ATRNL1: variants seen among roughly 807,000 people sequenced by gnomAD.
The protein encoded by ATRNL1 is attractin-like protein 1.
ATRNL1 carries 95 observed loss-of-function variants against 182.7 expected under a neutral mutation model. The ratio of observed to expected loss-of-function variants is 0.52; its 90% confidence interval spans 0.44 to 0.62. The LOEUF is 0.62. ATRNL1 is among the 20% of genes least tolerant of loss of function. The pLI is 0.00. For synonymous variants in ATRNL1, 576 were observed against 568.3 expected (o/e 1.01, Z -0.19); for missense variants, 1,471 against 1,679.5 (o/e 0.88, Z 2.17).
At chr10:115,361,195 T>C (rs1477015297) in intron 19 of ATRNL1, among the ~76,000 whole-genome samples, 2 of 152,048 alleles carry the variant, frequency 1.3e-5, no homozygotes, top group Admixed American at 6.6e-5. Context: ...TCAATGATTA[T>C]TATGATTTTT....
intron 27 of ATRNL1, among the ~76,000 whole-genome samples, chr10:115,758,158 T>C (rs782292354): frequency 6.6e-6 from 1 of 152,072 alleles, no homozygotes; most frequent in Non-Finnish European, 1.5e-5. Context: ...GAAGCCTACT[T>C]CTGATAATTC....
intron 19 of ATRNL1, among the ~76,000 whole-genome samples, chr10:115,346,050 C>T (rs781964188): frequency 2.1e-4 from 32 of 152,066 alleles, no homozygotes; most frequent in Non-Finnish European, 4.3e-4. Flanking sequence ...AATACTTATT[C>T]AAGTACTTTA....
At chr10:115,486,261 A>C (rs1452209961) in intron 24 of ATRNL1, among the ~76,000 whole-genome samples, 1 of 152,182 alleles carries the variant, frequency 6.6e-6, no homozygotes, top group Non-Finnish European at 1.5e-5. Flanking sequence ...GTATATACCC[A>C]GTAATGAGAT....
At chr10:115,379,399 A>G (rs1554950436) in intron 19 of ATRNL1, among the ~76,000 whole-genome samples, 1 of 152,196 alleles carries the variant, frequency 6.6e-6, no homozygotes, top group Non-Finnish European at 1.5e-5. Context: ...TTCTCTCACA[A>G]TGAGCTCACA....
intron 28 of ATRNL1, among the ~76,000 whole-genome samples, chr10:115,849,108 C>T (rs538952346): frequency 1.3e-5 from 2 of 152,146 alleles, no homozygotes; most frequent in Non-Finnish European, 2.9e-5. Context: ...AGAGAGTTTC[C>T]ATCACCTTCA....
rs199852040 is a variant in ATRNL1 at position 115,202,670 on chromosome 10, C to A, written c.1349-13027C>A. On this transcript the variant is annotated intron_variant, in intron 8 of 28. Transcript: ENST00000355044. ...TGAGGATTTTTGCATCAATGTTCAT[C>A]AAGGATATTGGTCTAAAATTCTCTT... 4.1e-3 allele frequency among the ~76,000 whole-genome samples: 585 copies of A among 142,402 alleles called. 2 individuals are homozygous for A. The highest frequency in any genetic ancestry group is 0.013 in the African/African-American group (513 of 38,514). The allele number at this position is 142,402 out of a possible 152,430, so 93.4% of individuals were successfully genotyped here.
chr10:115,117,911 A>G (rs1263640310), intron 1 of ATRNL1, among the ~76,000 whole-genome samples: 1 of 152,010 alleles, frequency 6.6e-6, no homozygotes, highest in Non-Finnish European at 1.5e-5. Flanking sequence ...GGGTAAGATG[A>G]TATCTCATTT....
At chr10:115,870,994 T>G (rs1826681387) in intron 28 of ATRNL1, among the ~76,000 whole-genome samples, 1 of 152,212 alleles carries the variant, frequency 6.6e-6, no homozygotes, top group Non-Finnish European at 1.5e-5. Flanking sequence ...AGAATTAACT[T>G]TAGCAGAGGA....
At chr10:115,372,687 T>C (rs544574430) in intron 19 of ATRNL1, among the ~76,000 whole-genome samples, 21 of 152,170 alleles carry the variant, frequency 1.4e-4, no homozygotes, top group Non-Finnish European at 2.9e-4. Flanking sequence ...GACTCTATGG[T>C]TATGGATTTA....
At chr10:115,940,301 C>G (rs1208134650) in intron 28 of ATRNL1, among the ~76,000 whole-genome samples, 2 of 152,176 alleles carry the variant, frequency 1.3e-5, no homozygotes, top group Non-Finnish European at 2.9e-5. Flanking sequence ...GTTTATTAAT[C>G]AAGTCCTGGC....
intron 28 of ATRNL1, among the ~76,000 whole-genome samples, chr10:115,868,168 T>A (rs531830031): frequency 4.1e-4 from 63 of 152,216 alleles, no homozygotes; most frequent in Non-Finnish European, 7.6e-4. Context: ...TCGAGTGATA[T>A]GCATCTTAGT....
chr10:115,694,545 T>C (rs1476096175), intron 26 of ATRNL1, among the ~76,000 whole-genome samples: 1 of 152,102 alleles, frequency 6.6e-6, no homozygotes, highest in Non-Finnish European at 1.5e-5. Context: ...ATAAAATACA[T>C]TTTCAAAGAC....
chr10:115,215,735 A>G lies in ATRNL1; in HGVS notation c.1387A>G (p.Ile463Val). ...TWLVPETKGA[I>V]VQGGYGHTSV... The stretch of plus-strand genomic sequence containing the variant: ...GCTTGTTCCAGAAACTAAAGGAGCT[A>G]TTGTACAAGGTGGATATGGCCATAC... The change falls in exon 9 of 29, where the codon ATT becomes GTT. Residue 463 changes from isoleucine to valine, a missense_variant. By Grantham distance (29) the Ile-to-Val change is conservative. Around this residue, in one of 3 missense-constraint regions of ATRNL1, gnomAD observed 1,031 missense variants for 1,156.0 expected, o/e 0.89. Coordinates refer to ENST00000355044, the MANE Select transcript of ATRNL1 (RefSeq NM_207303.4). The G allele has an allele frequency of 6.2e-7, 1 of 1,602,462 alleles. No individual in the cohort carries two copies. Among genetic ancestry groups the G allele is most frequent in the Non-Finnish European group, 8.5e-7 (1 of 1,175,738 alleles).
intron 10 of ATRNL1, among the ~76,000 whole-genome samples, chr10:115,247,870 C>T (rs188988203): frequency 1.3e-5 from 2 of 152,202 alleles, no homozygotes; most frequent in African/African-American, 2.4e-5. Flanking sequence ...TCATTTGTGG[C>T]AACATGGATG....
At chr10:115,320,977 T>A (rs1854553823) in intron 18 of ATRNL1, among the ~76,000 whole-genome samples, 1 of 152,158 alleles carries the variant, frequency 6.6e-6, no homozygotes, top group Non-Finnish European at 1.5e-5. Flanking sequence ...TTGGCATTTT[T>A]GTTGTTGTTG....
chr10:115,836,008 C>T lies in ATRNL1; in HGVS notation c.3904-11869C>T, dbSNP rs1324550377. 2.0e-5 allele frequency among the ~76,000 whole-genome samples: 3 copies of T among 152,198 alleles called. No individual in the cohort carries two copies. In the East Asian group the frequency reaches 5.8e-4, roughly 29 times the overall value. On this transcript the variant is annotated intron_variant, in intron 27 of 28. Coordinates refer to ENST00000355044, the MANE Select transcript of ATRNL1 (RefSeq NM_207303.4). ...GCTACTTCCCAATGAACCTCCTGCA[C>T]ACATGTCTCAGAATCTCAGAATCTA...
rs549075262 is a variant in ATRNL1, at chr10:115,690,422, A to T, written c.3796-36826A>T. On this transcript the variant is annotated intron_variant, in intron 26 of 28. Transcript: ENST00000355044. ...GCAATAGGGTTCTCGCTCCTGTGAGAATCTGATGCCCCTGCTGATCTGACA... is the reference window on the plus strand; with the variant it reads ...GCAATAGGGTTCTCGCTCCTGTGAGTATCTGATGCCCCTGCTGATCTGACA... 1.6e-4 allele frequency among the ~76,000 whole-genome samples: 24 copies of T among 152,184 alleles called. No homozygotes were observed. In the South Asian group the frequency reaches 5.0e-3, roughly 32 times the overall value.
At chr10:115,731,773 T>C (rs1312169606) in intron 27 of ATRNL1, among the ~76,000 whole-genome samples, 1 of 151,876 alleles carries the variant, frequency 6.6e-6, no homozygotes, top group Non-Finnish European at 1.5e-5. Flanking sequence ...ACCCTATGCC[T>C]TTCAGCAGTC....
chr10:115,852,378 G>A (rs914627459), intron 28 of ATRNL1, among the ~76,000 whole-genome samples: 1 of 152,026 alleles, frequency 6.6e-6, no homozygotes, highest in South Asian at 2.1e-4. Flanking sequence ...GTTTACTCAT[G>A]GTGTCATGGA....
Sources: gnomAD v4.1 joint callset for allele counts (sites outside exome capture counted in the v4.1 genomes callset) on GRCh38, gnomAD v4.1.1 for gene constraint, gnomAD v4.1.1 regional missense constraint, MANE v1.5 for transcripts, NCBI Gene and HGNC (gene_info 2026-07-23, HGNC 2026-07-21) for gene names.